The following MAGI2 variants were observed in gnomAD, a reference collection of about 807,000 sequenced individuals.
MAGI2 encodes membrane associated guanylate kinase, WW and PDZ domain containing 2, also known as membrane-associated guanylate kinase, WW and PDZ domain-containing protein 2.
A neutral mutation model predicts 133.3 loss-of-function variants in MAGI2; 35 were observed. That is an observed-to-expected ratio of 0.26 (90% CI 0.20 to 0.35). The LOEUF is 0.35. MAGI2 is among the 10% of genes least tolerant of loss of function. The pLI is 1.00. For synonymous variants in MAGI2, 729 were observed against 710.6 expected (o/e 1.03, Z -0.41); for missense variants, 1,636 against 1,863.4 (o/e 0.88, Z 2.25).
At chr7:78,629,753 T>C (rs1400962616) in intron 2 of MAGI2, among the ~76,000 whole-genome samples, 2 of 152,218 alleles carry the variant, frequency 1.3e-5, no homozygotes, top group African/African-American at 4.8e-5. Context: ...CAACATTTTC[T>C]ATATTCAACT....
chr7:79,263,703 C>T (rs1029723753), intron 1 of MAGI2, among the ~76,000 whole-genome samples: 1 of 152,078 alleles, frequency 6.6e-6, no homozygotes, highest in African/African-American at 2.4e-5. Flanking sequence ...ATATATTGAA[C>T]TCTTGAATGG....
At chr7:78,342,179 T>C (rs1287257150) in intron 9 of MAGI2, among the ~76,000 whole-genome samples, 1 of 151,568 alleles carries the variant, frequency 6.6e-6, no homozygotes, top group Non-Finnish European at 1.5e-5. Flanking sequence ...AAGAAGACAT[T>C]TGTGCAGTCA....
intron 10 of MAGI2, among the ~76,000 whole-genome samples, chr7:78,207,693 A>T (rs936647004): frequency 1.3e-5 from 2 of 152,090 alleles, no homozygotes; most frequent in African/African-American, 4.8e-5. Context: ...TAAAAGGGCA[A>T]TTTTTCCTAA....
At chr7:78,905,824 CA>C (rs747599577) in intron 2 of MAGI2, among the ~76,000 whole-genome samples, 7 of 151,972 alleles carry the variant, frequency 4.6e-5, no homozygotes, top group African/African-American at 1.7e-4. Flanking sequence ...GGTCACATAC[CA>C]AAAACATGAT....
At chr7:78,908,116 A>G (rs374887102) in intron 2 of MAGI2, among the ~76,000 whole-genome samples, 19 of 152,294 alleles carry the variant, frequency 1.2e-4, no homozygotes, top group South Asian at 8.3e-4. Flanking sequence ...TGGTTGGAAC[A>G]TCAGGTATAT....
intron 1 of MAGI2, chr7:79,125,290 T>C (rs1489805455): frequency 2.2e-6 from 1 of 455,844 alleles, no homozygotes; most frequent in East Asian, 5.3e-5. Context: ...AAACAAGAGA[T>C]GGCTAGTGCT....
At chr7:78,330,978 C>T (rs1288326678) in intron 9 of MAGI2, among the ~76,000 whole-genome samples, 2 of 152,078 alleles carry the variant, frequency 1.3e-5, no homozygotes, top group African/African-American at 4.8e-5. Context: ...CATGTGTGTA[C>T]ACACATACAC....
At chr7:79,316,201 T>C (rs1424261698) in intron 1 of MAGI2, among the ~76,000 whole-genome samples, 3 of 152,106 alleles carry the variant, frequency 2.0e-5, no homozygotes, top group African/African-American at 7.2e-5. Flanking sequence ...TGGCAAATTC[T>C]TCCCATCTTT....
intron 2 of MAGI2, among the ~76,000 whole-genome samples, chr7:78,755,452 T>G (rs1012828293): frequency 3.3e-5 from 5 of 152,246 alleles, no homozygotes; most frequent in African/African-American, 1.2e-4. Context: ...TAAGCATGTT[T>G]CAAAGAGTCT....
intron 1 of MAGI2, among the ~76,000 whole-genome samples, chr7:79,255,378 G>A (rs1181357750): frequency 1.3e-5 from 2 of 152,156 alleles, no homozygotes; most frequent in Non-Finnish European, 2.9e-5. Flanking sequence ...CATGAGATCT[G>A]TGGTTTCGCA....
chr7:78,215,851 A>AG (rs1218472164), intron 10 of MAGI2, among the ~76,000 whole-genome samples: 1 of 152,242 alleles, frequency 6.6e-6, no homozygotes, highest in Non-Finnish European at 1.5e-5. Flanking sequence ...AAAAATGCAC[A>AG]GATGTAAAGT....
intron 1 of MAGI2, among the ~76,000 whole-genome samples, chr7:79,391,181 C>G (rs1445389435): frequency 3.3e-5 from 5 of 151,920 alleles, no homozygotes; most frequent in African/African-American, 1.2e-4. Flanking sequence ...CAAATTAAAG[C>G]CTAAATGTCT....
intron 2 of MAGI2, among the ~76,000 whole-genome samples, chr7:78,647,720 A>G (rs906062794): frequency 5.9e-5 from 9 of 152,238 alleles, no homozygotes; most frequent in African/African-American, 2.2e-4. Flanking sequence ...GGCATTATTC[A>G]TAATAGCGAA....
At chr7:78,674,982 A>C (rs553348992) in intron 2 of MAGI2, among the ~76,000 whole-genome samples, 1 of 152,286 alleles carries the variant, frequency 6.6e-6, no homozygotes, top group South Asian at 2.1e-4. Flanking sequence ...GATTAGGACA[A>C]AGCTTTCTCT....
chr7:78,668,420 G>A (rs1486003342), intron 2 of MAGI2, among the ~76,000 whole-genome samples: 1 of 150,746 alleles, frequency 6.6e-6, no homozygotes, highest in Non-Finnish European at 1.5e-5. Flanking sequence ...TGTCAATTTT[G>A]TCTTTTGTTG....
intron 1 of MAGI2, among the ~76,000 whole-genome samples, chr7:79,124,258 T>G (rs1228949213): frequency 6.6e-6 from 1 of 152,176 alleles, no homozygotes; most frequent in Non-Finnish European, 1.5e-5. Flanking sequence ...GAACATTGGT[T>G]TGAAGGAGGA....
chr7:78,599,425 T>A (rs1804952670), intron 3 of MAGI2, among the ~76,000 whole-genome samples: 1 of 152,146 alleles, frequency 6.6e-6, no homozygotes, highest in Non-Finnish European at 1.5e-5. Context: ...CCCTAATGTG[T>A]TGGAGTGATT....
chr7:78,706,445 T>C (rs1246973863), intron 2 of MAGI2, among the ~76,000 whole-genome samples: 3 of 152,122 alleles, frequency 2.0e-5, no homozygotes, highest in Non-Finnish European at 4.4e-5. Context: ...CAGTTTCGGT[T>C]ATGTCTTTAT....
chr7:79,265,473 T>C (rs1385293691), intron 1 of MAGI2, among the ~76,000 whole-genome samples: 1 of 152,196 alleles, frequency 6.6e-6, no homozygotes, highest in Non-Finnish European at 1.5e-5. Flanking sequence ...AATTTTCTTA[T>C]AGTACTTTTC....
Sources: allele counts gnomAD v4.1 joint callset (sites outside exome capture counted in the v4.1 genomes callset), GRCh38; gene constraint gnomAD v4.1.1; transcripts MANE v1.5; gene names NCBI Gene and HGNC (gene_info 2026-07-23, HGNC 2026-07-21).